AKR1C3: variants seen among roughly 807,000 people sequenced by gnomAD.
The protein encoded by AKR1C3 is aldo-keto reductase family 1 member C3, also known as 3-alpha hydroxysteroid dehydrogenase, type II.
A neutral mutation model predicts 43.6 loss-of-function variants in AKR1C3; 48 were observed. The observed-to-expected ratio is 1.10, with a 90% CI of 0.87 to 1.40. The LOEUF (loss-of-function observed/expected upper bound fraction) is 1.40, where lower values mean the gene tolerates loss of function less well. AKR1C3 is among the 40% of genes most tolerant of loss of function. The pLI is 0.00. For missense variants in AKR1C3, 482 were observed against 391.2 expected (o/e 1.23, Z -1.96); for synonymous variants, 162 against 139.6 (o/e 1.16, Z -1.13).
chr10:5,094,320 T>C, upstream of AKR1C3: 2 of 1,090,362 alleles, frequency 1.8e-6, no homozygotes, highest in Non-Finnish European at 2.7e-6. Flanking sequence ...TACCTCCTCC[T>C]ACATGCCATT....
At chr10:5,085,359 T>C (rs1465734076) in intron 1 of AKR1C3, among the ~76,000 whole-genome samples, 3 of 152,078 alleles carry the variant, frequency 2.0e-5, no homozygotes, top group African/African-American at 7.3e-5. Context: ...TTTGGTTCTG[T>C]TTATATGCTG....
intron 1 of AKR1C3, among the ~76,000 whole-genome samples, chr10:5,062,100 A>C (rs1252141943): frequency 6.6e-6 from 1 of 152,190 alleles, no homozygotes; most frequent in Non-Finnish European, 1.5e-5. Flanking sequence ...TGGGGACATA[A>C]ATTTTCATTT....
At chr10:5,097,948 G>T (rs1195664281) in intron 3 of AKR1C3, 29 of 1,047,918 alleles carry the variant, frequency 2.8e-5, no homozygotes, top group Non-Finnish European at 3.1e-5. Flanking sequence ...CCCATTTCAA[G>T]CTGAAGCAGA....
rs782603138 is a variant in AKR1C3 at position 5,097,520 on chromosome 10, C to G, written c.339C>G (p.Leu113=). The G allele has an allele frequency of 2.2e-5, 36 of 1,613,644 alleles. No individual in the cohort carries two copies. The East Asian group carries it at 2.7e-4, about 12-fold the overall frequency. Residue 113 remains leucine (L), a synonymous_variant, in exon 3 of 9, where the codon CTC becomes CTG. Transcript: ENST00000380554. ...LKKAQLDYVD[L]YLIHSPMSLK... ...AAGCTCAATTGGACTATGTTGACCT[C>G]TATCTTATTCATTCTCCAATGTCTC...
chr10:5,079,373 A>G (rs1554782144), intron 1 of AKR1C3, among the ~76,000 whole-genome samples: 1 of 152,018 alleles, frequency 6.6e-6, no homozygotes, highest in Non-Finnish European at 1.5e-5. Context: ...CAATTCAGAG[A>G]GGCTGCAGAC....
chr10:5,107,452 T>C lies in AKR1C3; in HGVS notation c.930-9T>C. On this transcript the variant is annotated splice_polypyrimidine_tract_variant and intron_variant, in intron 8 of 8. Transcript: ENST00000380554. ...ATTGCATTTATATTATACATTATTCTCTTTTCAGTTTTGCTAGCCACCCTA... is the reference window on the plus strand; with the variant it reads ...ATTGCATTTATATTATACATTATTCCCTTTTCAGTTTTGCTAGCCACCCTA... 3 of 1,545,682 alleles carry C rather than the reference T, an allele frequency of 1.9e-6. No individual in the cohort carries two copies. The highest frequency in any genetic ancestry group is 2.7e-6 in the Non-Finnish European group (3 of 1,118,022).
At chr10:5,093,777 TTTC>T (rs1839146035), upstream of AKR1C3, 1 of 152,120 alleles carries the variant, frequency 6.6e-6, no homozygotes, top group Admixed American at 6.6e-5. Context: ...TACACCAGAA[TTTC>T]TTTTTATTTG....
chr10:5,104,880 TAAAAGAAAAATG>T (rs1554786825), intron 7 of AKR1C3, among the ~76,000 whole-genome samples: 2 of 152,174 alleles, frequency 1.3e-5, no homozygotes, highest in Non-Finnish European at 2.9e-5. Flanking sequence ...GTAGAAATGT[TAAAAGAAAAATG>T]TAATGAACAC....
At chr10:5,048,786 A>G, upstream of AKR1C3, 1 of 1,608,642 alleles carries the variant, frequency 6.2e-7, no homozygotes, top group Non-Finnish European at 8.5e-7. Flanking sequence ...AGAAAGAAAC[A>G]TTTGCTAGCC....
intron 1 of AKR1C3, chr10:5,096,087 T>G (rs1564368375): frequency 5.1e-6 from 1 of 197,476 alleles, no homozygotes; most frequent in Non-Finnish European, 1.0e-5. Context: ...CCATGTGATT[T>G]TTACCATGTA....
chr10:5,102,726 G>T, intron 7 of AKR1C3, 76 bp downstream of exon 7: 2 of 1,476,120 alleles, frequency 1.4e-6, no homozygotes, highest in South Asian at 1.4e-5. Context: ...AGGCTCTCAG[G>T]ACAGCCTTGG....
chr10:5,075,350 C>T (rs1265836831), intron 1 of AKR1C3, among the ~76,000 whole-genome samples: 1 of 152,092 alleles, frequency 6.6e-6, no homozygotes, highest in African/African-American at 2.4e-5. Context: ...AATTTTTTCC[C>T]TTGGCCCCCA....
In AKR1C3 at chr10:5,099,706, G is replaced by A. The variant is rs1839300721; in HGVS notation, c.570+257G>A. On this transcript the variant is annotated intron_variant, in intron 5 of 8. Transcript: ENST00000380554. ...AGGTCCATTTGATCAGGGAGGCCTG[G>A]AATCATCAATTAGAACTCAAGGAAA... 7.6e-6 allele frequency: 4 copies of A among 523,590 alleles called. 1 individual carries two copies. In the Middle Eastern group the frequency reaches 1.6e-3, roughly 204 times the overall value. The allele number at this position is 523,590 out of a possible 1,614,324, so 32.4% of individuals were successfully genotyped here.
intron 1 of AKR1C3, among the ~76,000 whole-genome samples, chr10:5,074,568 G>C (rs574339183): frequency 5.3e-5 from 8 of 152,286 alleles, no homozygotes; most frequent in Non-Finnish European, 8.8e-5. Flanking sequence ...CTTCTCTTAA[G>C]TGCTGCTATC....
chr10:5,067,809 G>A (rs1207163670), intron 1 of AKR1C3, among the ~76,000 whole-genome samples: 1 of 152,104 alleles, frequency 6.6e-6, no homozygotes, highest in Non-Finnish European at 1.5e-5. Flanking sequence ...TCTTTTCCAT[G>A]GTGAGTCATG....
intron 1 of AKR1C3, among the ~76,000 whole-genome samples, chr10:5,069,840 C>T (rs1430682125): frequency 1.3e-5 from 2 of 151,968 alleles, no homozygotes; most frequent in Admixed American, 1.3e-4. Context: ...CACCATTGCA[C>T]TCCAGCCTGG....
intron 1 of AKR1C3, among the ~76,000 whole-genome samples, chr10:5,087,717 T>C (rs1456044905): frequency 6.6e-6 from 1 of 152,060 alleles, no homozygotes; most frequent in Non-Finnish European, 1.5e-5. Flanking sequence ...ATATTCTTTT[T>C]TTTTCTTTGT....
chr10:5,080,560 G>GT (rs1419595197), intron 1 of AKR1C3, among the ~76,000 whole-genome samples: 1 of 152,164 alleles, frequency 6.6e-6, no homozygotes. Context: ...GGAGGTGCAG[G>GT]TTGCAGTAAG....
intron 1 of AKR1C3, among the ~76,000 whole-genome samples, chr10:5,055,368 G>A (rs1838237796): frequency 6.6e-6 from 1 of 152,220 alleles, no homozygotes; most frequent in Non-Finnish European, 1.5e-5. Context: ...GCATGCACAT[G>A]CATATTTGAA....
Sources: allele counts gnomAD v4.1 joint callset (sites outside exome capture counted in the v4.1 genomes callset), GRCh38; gene constraint gnomAD v4.1.1; transcripts MANE v1.5; gene names NCBI Gene and HGNC (gene_info 2026-07-23, HGNC 2026-07-21).